KLF17: variants seen among roughly 807,000 people sequenced by gnomAD.
KLF17 encodes KLF transcription factor 17, also known as Krueppel-like factor 17.
In KLF17, 31 loss-of-function variants were observed where a neutral mutation model predicts 34.2. The observed-to-expected ratio is 0.91, with a 90% CI of 0.68 to 1.22. The LOEUF (loss-of-function observed/expected upper bound fraction) is 1.22. Ranked by LOEUF, KLF17 falls within the 50% of genes most tolerant of loss-of-function variation. KLF17 has a pLI of 0.00. For synonymous variants in KLF17, 179 were observed against 186.7 expected (o/e 0.96, Z 0.34); for missense variants, 478 against 505.2 (o/e 0.95, Z 0.52).
chr1:44,087,547 A>G, the KLF17 span, among the ~76,000 whole-genome samples: 1 of 151,184 alleles, frequency 6.6e-6, no homozygotes, highest in Non-Finnish European at 1.5e-5. Context: ...TATAGGTGCG[A>G]GCCACCACAC....
chr1:44,112,593 A>T, the KLF17 span, among the ~76,000 whole-genome samples: 10 of 151,974 alleles, frequency 6.6e-5, no homozygotes, highest in Non-Finnish European at 1.3e-4. Flanking sequence ...ATTTTTGAAG[A>T]GACGGGGTCT....
chr1:44,130,238 G>C (rs1412988401), intron 2 of KLF17, 42 bp downstream of exon 2: 1 of 1,565,844 alleles, frequency 6.4e-7, no homozygotes, highest in South Asian at 1.2e-5. Flanking sequence ...AGGAGTCTCT[G>C]GGCTTTAGAT....
chr1:44,120,569 A>C (rs934556502), intron 1 of KLF17, among the ~76,000 whole-genome samples: 1 of 152,228 alleles, frequency 6.6e-6, no homozygotes, highest in African/African-American at 2.4e-5. Context: ...GGAAGTCATC[A>C]GTGGTGACCT....
the KLF17 span, among the ~76,000 whole-genome samples, chr1:44,054,620 A>G: frequency 6.6e-6 from 1 of 151,288 alleles, no homozygotes; most frequent in Non-Finnish European, 1.5e-5. Context: ...AGCTGGGACT[A>G]CAGGCGCTCA....
the KLF17 span, among the ~76,000 whole-genome samples, chr1:44,096,193 T>C: frequency 1.3e-5 from 2 of 152,040 alleles, no homozygotes; most frequent in Non-Finnish European, 2.9e-5. Context: ...CCACCCACCT[T>C]GGCCTCACAA....
chr1:44,060,395 G>A, the KLF17 span, among the ~76,000 whole-genome samples: 1 of 152,176 alleles, frequency 6.6e-6, no homozygotes, highest in Non-Finnish European at 1.5e-5. Context: ...TTGAACCTGG[G>A]AGGCAGAGGT....
chr1:44,060,682 C>G, the KLF17 span, among the ~76,000 whole-genome samples: 1 of 152,046 alleles, frequency 6.6e-6, no homozygotes, highest in Non-Finnish European at 1.5e-5. Context: ...CCTAAAGAAC[C>G]CTAAAGAATG....
the KLF17 span, chr1:44,069,754 G>C: frequency 2.6e-5 from 4 of 152,234 alleles, no homozygotes; most frequent in Non-Finnish European, 4.4e-5. The surrounding 1 kb of genome is among the most constrained non-coding windows in gnomAD (Gnocchi z 4.7). Flanking sequence ...GGGAAAGACG[G>C]AGTCTGTTTT....
chr1:44,080,277 C>A, the KLF17 span, among the ~76,000 whole-genome samples: 2 of 121,620 alleles, frequency 1.6e-5, no homozygotes, highest in Admixed American at 2.2e-4. Flanking sequence ...CTTGCTCTGT[C>A]GTCCAGGCTG....
At chr1:44,093,036 C>T in the KLF17 span, among the ~76,000 whole-genome samples, 1 of 137,426 alleles carries the variant, frequency 7.3e-6, no homozygotes, top group Non-Finnish European at 1.6e-5. Context: ...ATAAGGTACT[C>T]AAAGGAGAAT....
chr1:44,080,236 CTTTTTTT>C, the KLF17 span, among the ~76,000 whole-genome samples: 1 of 94,130 alleles, frequency 1.1e-5, no homozygotes, highest in Non-Finnish European at 2.0e-5. Flanking sequence ...CCCTCTGTGT[CTTTTTTT>C]TTTTTTTTTT....
chr1:44,087,243 T>G, the KLF17 span, among the ~76,000 whole-genome samples: 1 of 152,092 alleles, frequency 6.6e-6, no homozygotes, highest in Non-Finnish European at 1.5e-5. Context: ...ACATTTATTT[T>G]GTCATCTTTT....
chr1:44,074,059 T>C, the KLF17 span, among the ~76,000 whole-genome samples: 1 of 152,122 alleles, frequency 6.6e-6, no homozygotes, highest in Non-Finnish European at 1.5e-5. Flanking sequence ...CTCTTCTCCA[T>C]GTCCATTGCA....
At chr1:44,077,723 C>A in the KLF17 span, among the ~76,000 whole-genome samples, 2 of 152,210 alleles carry the variant, frequency 1.3e-5, no homozygotes, top group Non-Finnish European at 1.5e-5. Context: ...AAGCACAGGC[C>A]TCTACACAGT....
the KLF17 span, among the ~76,000 whole-genome samples, chr1:44,081,711 G>A: frequency 1.3e-5 from 2 of 151,852 alleles, no homozygotes; most frequent in Non-Finnish European, 2.9e-5. Context: ...ATGAGCCACT[G>A]CACTTGGCCT....
chr1:44,080,386 C>T, the KLF17 span, among the ~76,000 whole-genome samples: 6 of 151,572 alleles, frequency 4.0e-5, no homozygotes, highest in African/African-American at 1.2e-4. Context: ...CTGCAGGCGC[C>T]CACCACCACC....
the KLF17 span, among the ~76,000 whole-genome samples, chr1:44,105,901 C>T: frequency 1.1e-4 from 16 of 152,164 alleles, no homozygotes; most frequent in Admixed American, 4.6e-4. Flanking sequence ...CAGTGGCTCA[C>T]GCCTGTAATC....
At chr1:44,058,021 C>T in the KLF17 span, among the ~76,000 whole-genome samples, 10 of 152,160 alleles carry the variant, frequency 6.6e-5, no homozygotes, top group East Asian at 1.9e-4. Context: ...GAACAGAAAA[C>T]GCATTAGAAG....
At chr1:44,078,954 G>A in the KLF17 span, among the ~76,000 whole-genome samples, 7 of 152,180 alleles carry the variant, frequency 4.6e-5, no homozygotes, top group South Asian at 1.5e-3. Flanking sequence ...CAAAGTGCTG[G>A]GATTACAGGC....
Sources: gnomAD v4.1 joint callset for allele counts (sites outside exome capture counted in the v4.1 genomes callset) on GRCh38, gnomAD v4.1.1 for gene constraint, Gnocchi (gnomAD v3.1) non-coding constraint, MANE v1.5 for transcripts, NCBI Gene and HGNC (gene_info 2026-07-23, HGNC 2026-07-21) for gene names.